Variants in RNF34 observed in about 807,000 individuals in gnomAD.
RNF34 encodes E3 ubiquitin-protein ligase RNF34.
RNF34 carries 12 observed loss-of-function variants against 37.9 expected under a neutral mutation model. That is an observed-to-expected ratio of 0.32 (90% CI 0.20 to 0.51). The LOEUF is 0.51. RNF34 is among the 20% of genes least tolerant of loss of function. The pLI, the probability that RNF34 is intolerant of heterozygous loss-of-function variation, is 0.97. For missense variants in RNF34, 362 were observed against 472.7 expected (o/e 0.77, Z 2.17); for synonymous variants, 155 against 177.2 (o/e 0.87, Z 1.00).
rs782019491 is a variant in RNF34, at chr12:121,417,949, C to T, written c.633+38C>T. 23 of 1,592,128 alleles carry T rather than the reference C, an allele frequency of 1.4e-5. No homozygotes were observed. Among genetic ancestry groups the T allele is most frequent in the South Asian group, 7.9e-5 (7 of 88,234 alleles). On this transcript the variant is annotated intron_variant, in intron 3 of 5. Coordinates refer to ENST00000361234, the MANE Select transcript of RNF34 (RefSeq NM_025126.4). This position sits in a 1 kb window ranked among gnomAD's most constrained non-coding sequence, Gnocchi z 5.0. ...AACTAATTACACCCAGGGCCCGGCACGCTTATTCTTGGCCGTATATGGTGG... is the reference window on the plus strand; with the variant it reads ...AACTAATTACACCCAGGGCCCGGCATGCTTATTCTTGGCCGTATATGGTGG...
rs557321241 is a variant in RNF34, at chr12:121,404,553, ATTT to A, written c.6+4341_6+4343del. 9.9e-5 allele frequency among the ~76,000 whole-genome samples: 15 copies of A among 151,206 alleles called. No individual in the cohort carries two copies. The East Asian group carries it at 2.9e-3, about 29-fold the overall frequency. ...AGTTGTGCACCACCACACCCAGCTAATTTTTTTTGGTATTTTTAGTAGAGACCG... is the reference window on the plus strand; with the variant it reads ...AGTTGTGCACCACCACACCCAGCTAATTTTTGGTATTTTTAGTAGAGACCG... On this transcript the variant is annotated intron_variant, in intron 1 of 5. Coordinates refer to ENST00000361234, the MANE Select transcript of RNF34 (RefSeq NM_025126.4).
At chr12:121,402,749 A>G in intron 1 of RNF34, 1 of 1,593,470 alleles carries the variant, frequency 6.3e-7, no homozygotes, top group Non-Finnish European at 8.6e-7. Flanking sequence ...AAGGTGGGGG[A>G]GTGGTACTAA....
intron 1 of RNF34, among the ~76,000 whole-genome samples, chr12:121,411,905 G>A (rs1871098861): frequency 6.6e-6 from 1 of 152,178 alleles, no homozygotes; most frequent in South Asian, 2.1e-4. Context: ...ATGAAGAGAA[G>A]TTTATCCTGG....
chr12:121,400,562 C>G (rs1480104264), intron 1 of RNF34, among the ~76,000 whole-genome samples: 1 of 152,340 alleles, frequency 6.6e-6, no homozygotes, highest in African/African-American at 2.4e-5. Context: ...AGCCTCGGTC[C>G]CTTGGCGCGC....
intron 1 of RNF34, among the ~76,000 whole-genome samples, chr12:121,405,672 C>T (rs767575553): frequency 4.6e-5 from 7 of 152,162 alleles, no homozygotes; most frequent in Middle Eastern, 3.4e-3. Flanking sequence ...TTAGTAGAGA[C>T]GGGGTTTCAC....
In RNF34 at chr12:121,423,646, T is replaced by C. The variant is rs1192742191; in HGVS notation, c.*70T>C. The C allele has an allele frequency of 7.7e-7, 1 of 1,299,116 alleles. No homozygotes were observed. Among genetic ancestry groups the C allele is most frequent in the Non-Finnish European group, 1.1e-6 (1 of 925,548 alleles). 80.5% of individuals were successfully genotyped at this position (1,299,116 alleles called of 1,614,324 possible). ...CAACATTTCAATGCACAGAAGGGAC[T>C]GGAAAGTTATGTTCAAAGGCTGAAG... On this transcript the variant is annotated 3_prime_UTR_variant, in exon 6 of 6. Coordinates refer to ENST00000361234, the MANE Select transcript of RNF34 (RefSeq NM_025126.4). The surrounding 1 kb of genome is among the most constrained non-coding windows in gnomAD (Gnocchi z 4.3).
rs1566232770 is a variant in RNF34, at chr12:121,417,469, TATCTTGCTGTC to T, written c.226-31_226-21del. 1 of 1,569,182 alleles carries T rather than the reference TATCTTGCTGTC, an allele frequency of 6.4e-7. No individual in the cohort carries two copies. Among genetic ancestry groups the T allele is most frequent in the Admixed American group, 1.8e-5 (1 of 54,208 alleles). On this transcript the variant is annotated intron_variant, in intron 2 of 5. Transcript: ENST00000361234. This position sits in a 1 kb window ranked among gnomAD's most constrained non-coding sequence, Gnocchi z 5.0. ...AAACTCATGCTTTCATAATGGTTTA[TATCTTGCTGTC>T]ATCAAATGCTTTTCTTTCTTCAGCA...
chr12:121,402,868 G>C (rs1870132426), intron 1 of RNF34: 2 of 1,231,868 alleles, frequency 1.6e-6, no homozygotes, highest in Non-Finnish European at 2.4e-6. Context: ...CCAATGTCTT[G>C]TCTAAAAGTA....
chr12:121,400,286 C>CTCCTT, intron 1 of RNF34, 68 bp downstream of exon 1: 2 of 1,563,772 alleles, frequency 1.3e-6, no homozygotes, highest in Non-Finnish European at 1.7e-6. Flanking sequence ...CCTGAAGCGC[C>CTCCTT]TCCTTTCTTT....
rs189121012 is a variant in RNF34 at position 121,410,494 on chromosome 12, G to A, written c.7-5665G>A. ...AGAGGTTGCAGTGAGCCGAGATTGC[G>A]CCACTGCATTCCATCCTGGGCAACA... On this transcript the variant is annotated intron_variant, in intron 1 of 5. Transcript: ENST00000361234. 1.5e-3 allele frequency among the ~76,000 whole-genome samples: 227 copies of A among 150,502 alleles called. 2 individuals carry two copies. Among genetic ancestry groups the A allele is most frequent in the South Asian group, 4.2e-3 (20 of 4,768 alleles).
chr12:121,404,387 C>CTTTTTTTTTTTTTTTTTTTTTTT (rs782225104), intron 1 of RNF34, among the ~76,000 whole-genome samples: 1 of 65,824 alleles, frequency 1.5e-5, no homozygotes, highest in African/African-American at 7.4e-5. Flanking sequence ...GTCATTTAAT[C>CTTTTTTTTTTTTTTTTTTTTTTT]TTTTTTTTTT....
intron 1 of RNF34, among the ~76,000 whole-genome samples, chr12:121,407,088 CA>C (rs1870616124): frequency 6.6e-6 from 1 of 152,050 alleles, no homozygotes; most frequent in Admixed American, 6.6e-5. Context: ...CCCCTCCCCC[CA>C]GATTATTGTT....
In RNF34 at chr12:121,402,810, A is replaced by G. The variant is rs1344810134; in HGVS notation, c.6+2592A>G. 4 of 1,589,396 alleles carry G rather than the reference A, an allele frequency of 2.5e-6. No individual in the cohort carries two copies. The African/African-American group carries it at 5.4e-5, about 21-fold the overall frequency. ...ACAAAAACCCAAGCATGAGGAAGGT[A>G]ACATTTGTATCTATAGCACATGTTA... is the stretch of plus-strand genomic sequence containing the variant. On this transcript the variant is annotated intron_variant, in intron 1 of 5. Transcript: ENST00000361234.
At chr12:121,412,870 G>A (rs1417590358) in intron 1 of RNF34, among the ~76,000 whole-genome samples, 11 of 149,108 alleles carry the variant, frequency 7.4e-5, no homozygotes, top group Non-Finnish European at 1.3e-4. Context: ...GATTACAGGT[G>A]CCTGGGCCAG....
intron 1 of RNF34, 93 bp downstream of exon 1, chr12:121,400,311 A>G: frequency 2.8e-5 from 41 of 1,444,782 alleles, no homozygotes; most frequent in Non-Finnish European, 3.6e-5. Flanking sequence ...CTTAGCGGTT[A>G]CCTAGTCGTC....
chr12:121,416,623 A>C, intron 2 of RNF34: 1 of 364,128 alleles, frequency 2.7e-6, no homozygotes, highest in Non-Finnish European at 5.0e-6. Flanking sequence ...GTATCATTTT[A>C]TTTTCTATTA....
intron 1 of RNF34, among the ~76,000 whole-genome samples, chr12:121,406,949 C>T (rs1200293642): frequency 2.0e-5 from 3 of 152,078 alleles, no homozygotes; most frequent in Non-Finnish European, 4.4e-5. Flanking sequence ...TGGGGGTACA[C>T]GTACAGACTT....
Position 121,420,770 on chromosome 12 carries a change from A to C in RNF34, c.920A>C (p.Gln307Pro). Residue 307 changes from glutamine to proline, a missense_variant, in exon 5 of 6, where the codon CAA becomes CCA. Coordinates refer to ENST00000361234, the MANE Select transcript of RNF34 (RefSeq NM_025126.4). ...TTATACAAAGAGAATGAAGAAAACC[A>C]AAAGTCCTGTAGGTTTATCTTTTCA... ...NRLYKENEENQKSYGERLQLQ... is the reference protein window; with the variant it reads ...NRLYKENEENPKSYGERLQLQ... The C allele has an allele frequency of 6.2e-7, 1 of 1,610,064 alleles. No homozygotes were observed. Among genetic ancestry groups the C allele is most frequent in the South Asian group, 1.1e-5 (1 of 91,018 alleles).
Position 121,420,238 on chromosome 12 carries a change from G to C in RNF34, c.634-4G>C. 2 of 1,608,942 alleles carry C rather than the reference G, an allele frequency of 1.2e-6. No individual in the cohort carries two copies. Among genetic ancestry groups the C allele is most frequent in the Non-Finnish European group, 1.7e-6 (2 of 1,176,174 alleles). On this transcript the variant is annotated splice_region_variant and splice_polypyrimidine_tract_variant and intron_variant, in intron 3 of 5. Transcript: ENST00000361234. ...ACCTAATCAGATACGTTGTATAAGT[G>C]TAGGTACAAAGTGAAATCACTTCAG...
Sources: gnomAD v4.1 joint callset for allele counts (sites outside exome capture counted in the v4.1 genomes callset) on GRCh38, gnomAD v4.1.1 for gene constraint, Gnocchi (gnomAD v3.1) non-coding constraint, MANE v1.5 for transcripts, NCBI Gene and HGNC (gene_info 2026-07-23, HGNC 2026-07-21) for gene names.